The following CFAP299 variants were observed in gnomAD, a reference collection of about 807,000 sequenced individuals.
The protein encoded by CFAP299 is cilia- and flagella-associated protein 299.
In CFAP299, 21 loss-of-function variants were observed where a neutral mutation model predicts 27.0. That is an observed-to-expected ratio of 0.78 (90% CI 0.55 to 1.12). The LOEUF is 1.12. Ranked by LOEUF, CFAP299 falls within the 50% of genes most tolerant of loss-of-function variation. The pLI, the probability that CFAP299 is intolerant of heterozygous loss-of-function variation, is 0.00. For synonymous variants in CFAP299, 104 were observed against 98.1 expected (o/e 1.06, Z -0.36); for missense variants, 310 against 276.6 (o/e 1.12, Z -0.86).
intron 2 of CFAP299, among the ~76,000 whole-genome samples, chr4:80,528,950 A>C (rs1289984782): frequency 6.6e-6 from 1 of 152,146 alleles, no homozygotes; most frequent in African/African-American, 2.4e-5. Flanking sequence ...TGATGATCCC[A>C]AATGCATTCA....
chr4:80,877,659 A>C (rs993135767), intron 4 of CFAP299, among the ~76,000 whole-genome samples: 1 of 152,152 alleles, frequency 6.6e-6, no homozygotes, highest in Non-Finnish European at 1.5e-5. Flanking sequence ...CCAACTTTTT[A>C]AAATTTTTGG....
intron 3 of CFAP299, among the ~76,000 whole-genome samples, chr4:80,855,489 C>T (rs1224220649): frequency 2.6e-5 from 4 of 152,150 alleles, no homozygotes; most frequent in African/African-American, 9.6e-5. Flanking sequence ...ATGTGACATG[C>T]TGGTGCGCTG....
intron 2 of CFAP299, among the ~76,000 whole-genome samples, chr4:80,412,341 A>T (rs1482543882): frequency 6.6e-6 from 1 of 151,440 alleles, no homozygotes; most frequent in East Asian, 1.9e-4. Context: ...TGTGCATATT[A>T]TAAGCTACTC....
chr4:80,820,344 A>C (rs990567469), intron 3 of CFAP299, among the ~76,000 whole-genome samples: 24 of 152,146 alleles, frequency 1.6e-4, no homozygotes, highest in African/African-American at 4.3e-4. Context: ...AATAACAAAA[A>C]CTCTTTCCTT....
chr4:80,956,241 T>C (rs907427809), intron 5 of CFAP299, among the ~76,000 whole-genome samples: 2 of 152,218 alleles, frequency 1.3e-5, no homozygotes, highest in Non-Finnish European at 2.9e-5. Context: ...TGCTTTGCAG[T>C]TAGACCATGT....
At chr4:80,721,136 A>G (rs557469111) in intron 3 of CFAP299, among the ~76,000 whole-genome samples, 1 of 152,300 alleles carries the variant, frequency 6.6e-6, no homozygotes, top group South Asian at 2.1e-4. Flanking sequence ...CCTAATATAC[A>G]TATTATTTGA....
chr4:80,944,755 T>C (rs1737381972), intron 4 of CFAP299, 55 bp from the exon 5 acceptor site: 2 of 1,323,754 alleles, frequency 1.5e-6, no homozygotes, highest in South Asian at 2.6e-5. Context: ...TAAACTATAT[T>C]TGTCAATTTA....
intron 3 of CFAP299, among the ~76,000 whole-genome samples, chr4:80,733,838 GTAC>G (rs1723689598): frequency 6.6e-6 from 1 of 152,010 alleles, no homozygotes; most frequent in South Asian, 2.1e-4. Context: ...TTGTGTATAA[GTAC>G]TACATTTTCC....
intron 3 of CFAP299, among the ~76,000 whole-genome samples, chr4:80,766,866 TAGAG>T (rs1560740782): frequency 6.6e-6 from 1 of 152,220 alleles, no homozygotes; most frequent in East Asian, 1.9e-4. Context: ...ATCTTAAGTA[TAGAG>T]AGTCAATTTG....
At chr4:80,479,940 C>A (rs1874335) in intron 2 of CFAP299, among the ~76,000 whole-genome samples, 4,405 of 152,056 alleles carry the variant, frequency 0.029, 229 homozygotes, top group African/African-American at 0.1. Context: ...AAAGCTAAAA[C>A]ATATGTTCTG....
At chr4:80,608,448 T>C (rs1737790712) in intron 3 of CFAP299, 2 of 936,166 alleles carry the variant, frequency 2.1e-6, no homozygotes, top group Non-Finnish European at 3.3e-6. Flanking sequence ...TCATCCTACA[T>C]ATATACTCCA....
upstream of CFAP299, among the ~76,000 whole-genome samples, chr4:80,333,123 GC>G (rs1419588816): frequency 4.5e-4 from 69 of 152,220 alleles, no homozygotes; most frequent in African/African-American, 1.6e-3. Flanking sequence ...CAATGACAAG[GC>G]AGGAGCAAAC....
intron 3 of CFAP299, among the ~76,000 whole-genome samples, chr4:80,616,646 G>A (rs1170302280): frequency 1.3e-5 from 2 of 152,036 alleles, no homozygotes; most frequent in East Asian, 1.9e-4. Flanking sequence ...TTCCTGGGGG[G>A]CCCTAAGCAT....
At chr4:80,566,176 C>G (rs1578608137) in intron 2 of CFAP299, among the ~76,000 whole-genome samples, 1 of 152,114 alleles carries the variant, frequency 6.6e-6, no homozygotes, top group Non-Finnish European at 1.5e-5. Context: ...CAGTCTTTCT[C>G]TCCATCACTT....
chr4:80,676,757 T>C (rs995904894), intron 3 of CFAP299, among the ~76,000 whole-genome samples: 1 of 150,216 alleles, frequency 6.7e-6, no homozygotes, highest in African/African-American at 2.5e-5. Context: ...TTCATAATAG[T>C]CTATGGTGAT....
intron 3 of CFAP299, among the ~76,000 whole-genome samples, chr4:80,584,837 T>C (rs1736350843): frequency 1.3e-5 from 2 of 152,082 alleles, no homozygotes; most frequent in Admixed American, 1.3e-4. Flanking sequence ...GGCATCGTAC[T>C]AACTGCTTGG....
At chr4:80,559,574 G>C (rs932959623) in intron 2 of CFAP299, among the ~76,000 whole-genome samples, 2 of 152,158 alleles carry the variant, frequency 1.3e-5, no homozygotes, top group Admixed American at 1.3e-4. Flanking sequence ...AGGCATTGAA[G>C]AGATAGAAAA....
chr4:80,869,820 T>G (rs1294460707), intron 3 of CFAP299, among the ~76,000 whole-genome samples, 173 bp from the exon 4 acceptor site: 1 of 152,222 alleles, frequency 6.6e-6, no homozygotes, highest in African/African-American at 2.4e-5. Context: ...GAGTAACATG[T>G]GTTTTTAGGT....
chr4:80,429,903 G>A (rs1007733632), intron 2 of CFAP299, among the ~76,000 whole-genome samples: 2 of 152,064 alleles, frequency 1.3e-5, no homozygotes, highest in African/African-American at 4.8e-5. Flanking sequence ...TAAATAATCT[G>A]GATGCTAAAG....
Sources: gnomAD v4.1 joint callset for allele counts (sites outside exome capture counted in the v4.1 genomes callset) on GRCh38, gnomAD v4.1.1 for gene constraint, MANE v1.5 for transcripts, NCBI Gene and HGNC (gene_info 2026-07-23, HGNC 2026-07-21) for gene names.